The following DGKB variants were observed in gnomAD, a reference collection of about 807,000 sequenced individuals.
DGKB encodes 90 kDa diacylglycerol kinase.
Under a neutral mutation model 114.3 loss-of-function variants are expected in DGKB, and 67 were observed. The observed-to-expected ratio is 0.59, with a 90% CI of 0.48 to 0.72. DGKB has a LOEUF of 0.72. Among genes scored for constraint, DGKB ranks in the 30% least tolerant of loss-of-function variants. DGKB has a pLI of 0.00. For synonymous variants in DGKB, 398 were observed against 323.1 expected, an observed-to-expected ratio of 1.23 and a Z score of -2.49; for missense variants, 907 against 975.2, an observed-to-expected ratio of 0.93 and a Z score of 0.93.
intron 20 of DGKB, among the ~76,000 whole-genome samples, chr7:14,547,666 G>C (rs1794498129): frequency 6.6e-6 from 1 of 152,060 alleles, no homozygotes; most frequent in South Asian, 2.1e-4. Context: ...CTCTTAGCAA[G>C]AGTGTAGAAC....
At chr7:14,913,160 T>C (rs1175432867) in intron 1 of DGKB, among the ~76,000 whole-genome samples, 5 of 152,174 alleles carry the variant, frequency 3.3e-5, no homozygotes, top group Non-Finnish European at 7.4e-5. Context: ...GTACTCAAGA[T>C]GTCTTCTCTG....
chr7:14,223,828 T>C (rs1790373830), intron 23 of DGKB, among the ~76,000 whole-genome samples: 1 of 151,832 alleles, frequency 6.6e-6, no homozygotes, highest in African/African-American at 2.4e-5. Context: ...TCTCATTGCA[T>C]ACTGACCTCC....
At chr7:14,806,948 A>G (rs1397563849) in intron 2 of DGKB, among the ~76,000 whole-genome samples, 2 of 152,034 alleles carry the variant, frequency 1.3e-5, no homozygotes, top group African/African-American at 4.8e-5. Context: ...AATTAAAAAC[A>G]TGATAGCCTA....
intron 23 of DGKB, among the ~76,000 whole-genome samples, chr7:14,200,774 T>C (rs1304433888): frequency 6.6e-6 from 1 of 151,902 alleles, no homozygotes; most frequent in African/African-American, 2.4e-5. Context: ...AATGTAGCAT[T>C]GTCAAAAAGG....
At chr7:14,827,898 A>G (rs998725660) in intron 2 of DGKB, among the ~76,000 whole-genome samples, 3 of 141,746 alleles carry the variant, frequency 2.1e-5, no homozygotes, top group Non-Finnish European at 4.5e-5. Context: ...CAAGCAGTAG[A>G]TAGACAACAG....
At chr7:14,341,853 G>T (rs1041550049) in intron 22 of DGKB, among the ~76,000 whole-genome samples, 1 of 151,804 alleles carries the variant, frequency 6.6e-6, no homozygotes, top group African/African-American at 2.4e-5. Flanking sequence ...AAGAACTTTG[G>T]AGAGCTCTAA....
intron 1 of DGKB, among the ~76,000 whole-genome samples, chr7:14,893,384 T>C (rs1781601651): frequency 6.6e-6 from 1 of 151,446 alleles, no homozygotes; most frequent in South Asian, 2.1e-4. Flanking sequence ...ATTCCAGGTT[T>C]CTGTTGCTGT....
chr7:14,390,191 A>G (rs1821104931), intron 21 of DGKB, among the ~76,000 whole-genome samples: 1 of 152,264 alleles, frequency 6.6e-6, no homozygotes, highest in African/African-American at 2.4e-5. Flanking sequence ...CATTATTCCT[A>G]CTAGTCCTTC....
chr7:14,271,713 A>C (rs760387626), intron 23 of DGKB, among the ~76,000 whole-genome samples: 1 of 152,228 alleles, frequency 6.6e-6, no homozygotes, highest in East Asian at 1.9e-4. Flanking sequence ...TTCTCAGCTT[A>C]AATGCCCCAA....
chr7:14,664,839 T>C (rs978630089), intron 13 of DGKB, among the ~76,000 whole-genome samples: 1 of 151,758 alleles, frequency 6.6e-6, no homozygotes. Flanking sequence ...ACTGCTCTTA[T>C]CTGGATTTTT....
chr7:14,482,524 A>G (rs1308193496), intron 20 of DGKB, among the ~76,000 whole-genome samples: 1 of 152,104 alleles, frequency 6.6e-6, no homozygotes, highest in East Asian at 1.9e-4. Flanking sequence ...AAGATAAATT[A>G]ACAATGTGAG....
intron 23 of DGKB, among the ~76,000 whole-genome samples, chr7:14,299,449 T>C (rs1803127777): frequency 6.6e-6 from 1 of 152,100 alleles, no homozygotes. Flanking sequence ...GATAGATAAA[T>C]TACAGAATAT....
intron 21 of DGKB, among the ~76,000 whole-genome samples, chr7:14,412,107 C>T (rs890207186): frequency 6.6e-6 from 1 of 152,112 alleles, no homozygotes; most frequent in African/African-American, 2.4e-5. Context: ...GATGTATATG[C>T]ATGTGTGATT....
chr7:14,371,046 C>T (rs1292556826), intron 21 of DGKB, among the ~76,000 whole-genome samples: 1 of 152,110 alleles, frequency 6.6e-6, no homozygotes, highest in Non-Finnish European at 1.5e-5. Flanking sequence ...ATATATAACA[C>T]ATTTTCTTGA....
intron 20 of DGKB, among the ~76,000 whole-genome samples, chr7:14,489,753 G>A (rs755025812): frequency 3.7e-4 from 56 of 152,116 alleles, no homozygotes; most frequent in Non-Finnish European, 6.8e-4. Context: ...TAAGAGGTAG[G>A]GATACAGGCA....
chr7:14,970,904 A>C (rs1447060586), intron 1 of DGKB, among the ~76,000 whole-genome samples: 1 of 152,200 alleles, frequency 6.6e-6, no homozygotes, highest in Non-Finnish European at 1.5e-5. Flanking sequence ...TGGCACAGAT[A>C]CCAGGGAAAT....
intron 21 of DGKB, among the ~76,000 whole-genome samples, chr7:14,392,995 G>GTTTTGTTTTTTTTT (rs1554404749): frequency 3.3e-5 from 2 of 60,546 alleles, no homozygotes; most frequent in African/African-American, 9.7e-5. Flanking sequence ...TTTTGTTTTT[G>GTTTTGTTTTTTTTT]TTTTTTTTTT....
intron 1 of DGKB, among the ~76,000 whole-genome samples, chr7:14,879,109 G>C (rs1853819306): frequency 6.6e-6 from 1 of 151,866 alleles, no homozygotes. Context: ...TGATATATTT[G>C]TTTTAGCAAA....
At chr7:14,596,582 G>A (rs1277890706) in intron 17 of DGKB, among the ~76,000 whole-genome samples, 2 of 152,126 alleles carry the variant, frequency 1.3e-5, no homozygotes, top group African/African-American at 4.8e-5. Flanking sequence ...ATAAGTCTCA[G>A]GGTTCAATCA....
Sources: allele counts gnomAD v4.1 joint callset (sites outside exome capture counted in the v4.1 genomes callset), GRCh38; gene constraint gnomAD v4.1.1; transcripts MANE v1.5; gene names NCBI Gene and HGNC (gene_info 2026-07-23, HGNC 2026-07-21).